The following LPCAT2 variants were observed in gnomAD, a reference collection of about 807,000 sequenced individuals.
LPCAT2 encodes the protein 1-AGP acyltransferase 11.
A neutral mutation model predicts 64.7 loss-of-function variants in LPCAT2; 58 were observed. That is an observed-to-expected ratio of 0.90 (90% CI 0.73 to 1.12). The LOEUF (loss-of-function observed/expected upper bound fraction) is 1.12. Among genes scored for constraint, LPCAT2 ranks in the 50% most tolerant of loss-of-function variants. The pLI is 0.00. For synonymous variants in LPCAT2, 252 were observed against 245.3 expected, an observed-to-expected ratio of 1.03 and a Z score of -0.26; for missense variants, 579 against 669.8, an observed-to-expected ratio of 0.86 and a Z score of 1.50.
chr16:55,522,932 A>G (rs1281387319), intron 1 of LPCAT2, among the ~76,000 whole-genome samples: 1 of 151,688 alleles, frequency 6.6e-6, no homozygotes. Flanking sequence ...GAAAAGAATT[A>G]AACATAAAAT....
At chr16:55,514,689 G>A (rs1274632237) in intron 1 of LPCAT2, among the ~76,000 whole-genome samples, 1 of 152,096 alleles carries the variant, frequency 6.6e-6, no homozygotes, top group Non-Finnish European at 1.5e-5. Flanking sequence ...GAAAAACAAA[G>A]TATAGCTTAT....
chr16:55,578,105 A>G (rs1380309923), intron 12 of LPCAT2, among the ~76,000 whole-genome samples: 2 of 152,064 alleles, frequency 1.3e-5, no homozygotes, highest in African/African-American at 4.8e-5. Flanking sequence ...TGGTTCTCCT[A>G]TCTGGCTGCT....
In LPCAT2 at chr16:55,583,450, T is replaced by G. The variant is rs188651280; in HGVS notation, c.*352T>G. 119 of 159,160 alleles carry G rather than the reference T, an allele frequency of 7.5e-4. No homozygotes were observed. The highest frequency in any genetic ancestry group is 7.0e-4 in the Non-Finnish European group (51 of 72,714). The allele number at this position is 159,160 out of a possible 1,614,324, so 9.9% of individuals were successfully genotyped here. A position where few individuals can be genotyped will look rare whatever the true frequency, so the allele number is the denominator to read the frequency against. On this transcript the variant is annotated 3_prime_UTR_variant, in exon 14 of 14. Coordinates refer to ENST00000262134, the MANE Select transcript of LPCAT2 (RefSeq NM_017839.5). ...AAGTTTTAAAAATGTAAACACTTTT[T>G]AATCTACTTTCCTCTAAAAATCAAT...
intron 7 of LPCAT2, among the ~76,000 whole-genome samples, chr16:55,534,743 G>T (rs1342743747): frequency 6.6e-6 from 1 of 152,030 alleles, no homozygotes; most frequent in African/African-American, 2.4e-5. Flanking sequence ...GTGTTTGCTA[G>T]TTCGTAAGTG....
intron 1 of LPCAT2, among the ~76,000 whole-genome samples, chr16:55,514,298 G>A (rs1205352531): frequency 1.3e-5 from 2 of 152,080 alleles, no homozygotes; most frequent in Non-Finnish European, 2.9e-5. Flanking sequence ...TGTCACCTCT[G>A]ACTAACCTTG....
chr16:55,541,758 G>A (rs9930421), intron 8 of LPCAT2: 46,043 of 704,912 alleles, frequency 0.065, 2,295 homozygotes, highest in African/African-American at 0.17. Flanking sequence ...ATAGAGTTTT[G>A]AGGAGTAATA....
At chr16:55,543,315 C>T (rs1480109400) in intron 8 of LPCAT2, among the ~76,000 whole-genome samples, 3 of 152,108 alleles carry the variant, frequency 2.0e-5, no homozygotes, top group African/African-American at 7.2e-5. Flanking sequence ...ACTACCTGCA[C>T]TAATATAAAA....
chr16:55,537,707 G>C (rs908718954), intron 8 of LPCAT2, 75 bp downstream of exon 8: 10 of 1,240,448 alleles, frequency 8.1e-6, no homozygotes, highest in Non-Finnish European at 1.2e-5. Flanking sequence ...AGTCTAGAGA[G>C]ACCAGATATA....
chr16:55,564,546 A>G (rs1185176450), intron 11 of LPCAT2, among the ~76,000 whole-genome samples: 1 of 151,936 alleles, frequency 6.6e-6, no homozygotes. Context: ...ACCCTTGTGT[A>G]TATGGTCATA....
At chr16:55,531,801 TTTTG>T in intron 4 of LPCAT2, 109 bp from the exon 5 acceptor site, 1 of 690,322 alleles carries the variant, frequency 1.4e-6, no homozygotes, top group South Asian at 1.6e-5. Flanking sequence ...TAGCCTTTTA[TTTTG>T]TTTTTGTTTT....
At chr16:55,544,967 T>C (rs1158168916) in intron 8 of LPCAT2, among the ~76,000 whole-genome samples, 1 of 152,198 alleles carries the variant, frequency 6.6e-6, no homozygotes, top group African/African-American at 2.4e-5. Context: ...TGTTGTTCTA[T>C]ACTATTAAAA....
At chr16:55,576,780 GGTTTAC>G (rs1963832430) in intron 12 of LPCAT2, among the ~76,000 whole-genome samples, 1 of 152,136 alleles carries the variant, frequency 6.6e-6, no homozygotes, top group Non-Finnish European at 1.5e-5. Flanking sequence ...TCATGCATGG[GGTTTAC>G]CTTAGATCTA....
At position 55,509,097 on chromosome 16, in the gene LPCAT2, C is replaced by G; in HGVS notation, c.-85C>G. ...AGAGGCTCCCCAGCGTCGCCCTAGG[C>G]TGGGACTCTAGTAGGTCTTCGGCTC... On this transcript the variant is annotated 5_prime_UTR_variant, in exon 1 of 14. Transcript: ENST00000262134. The G allele has an allele frequency of 4.3e-6, 5 of 1,175,782 alleles. No homozygotes were observed. Among genetic ancestry groups the G allele is most frequent in the African/African-American group, 1.6e-5 (1 of 63,250 alleles). The allele number at this position is 1,175,782 out of a possible 1,614,324, so 72.8% of individuals were successfully genotyped here.
At chr16:55,527,789 C>A (rs1339685539) in intron 2 of LPCAT2, among the ~76,000 whole-genome samples, 1 of 152,162 alleles carries the variant, frequency 6.6e-6, no homozygotes, top group Admixed American at 6.5e-5. Flanking sequence ...GTTGAACTCA[C>A]TTCTGATGAT....
chr16:55,550,927 C>A (rs1963509294), intron 10 of LPCAT2, 22 bp from the exon 11 acceptor site: 1 of 1,546,204 alleles, frequency 6.5e-7, no homozygotes, highest in Non-Finnish European at 8.8e-7. Context: ...TAACATGTAT[C>A]TATAATTCTT....
At chr16:55,531,515 T>C (rs1963252777) in intron 4 of LPCAT2, among the ~76,000 whole-genome samples, 1 of 152,102 alleles carries the variant, frequency 6.6e-6, no homozygotes, top group Non-Finnish European at 1.5e-5. Flanking sequence ...GTTGTGGGAG[T>C]AAATATTAAT....
At chr16:55,519,324 C>A (rs1963059068) in intron 1 of LPCAT2, among the ~76,000 whole-genome samples, 1 of 150,702 alleles carries the variant, frequency 6.6e-6, no homozygotes, top group African/African-American at 2.4e-5. Context: ...CATGGTGAAA[C>A]CCCGTCTCTA....
intron 11 of LPCAT2, chr16:55,567,757 G>A (rs1963723137): frequency 2.5e-6 from 1 of 399,756 alleles, no homozygotes; most frequent in African/African-American, 2.0e-5. Context: ...ATATGGTGGG[G>A]AGGTTGTGGG....
At chr16:55,534,903 CTGATA>C (rs1963305060) in intron 7 of LPCAT2, among the ~76,000 whole-genome samples, 2 of 152,088 alleles carry the variant, frequency 1.3e-5, no homozygotes, top group South Asian at 4.1e-4. Context: ...TATGATGTGT[CTGATA>C]TGAGTTGAAA....
Sources: allele counts gnomAD v4.1 joint callset (sites outside exome capture counted in the v4.1 genomes callset), GRCh38; gene constraint gnomAD v4.1.1; transcripts MANE v1.5; gene names NCBI Gene and HGNC (gene_info 2026-07-23, HGNC 2026-07-21).